ANKS1A: variants seen among roughly 807,000 people sequenced by gnomAD.
The protein encoded by ANKS1A is ankyrin repeat and sterile alpha motif domain containing 1A.
A neutral mutation model predicts 120.3 loss-of-function variants in ANKS1A; 55 were observed. That is an observed-to-expected ratio of 0.46 (90% CI 0.37 to 0.57). The LOEUF (loss-of-function observed/expected upper bound fraction) is 0.57. ANKS1A is among the 20% of genes least tolerant of loss of function. The probability of loss-of-function intolerance (pLI) is 0.00; values close to 1 mark genes in which losing one functional copy is unlikely to be tolerated. For synonymous variants in ANKS1A, 590 were observed against 604.7 expected, an observed-to-expected ratio of 0.98 and a Z score of 0.36; for missense variants, 1,123 against 1,480.3, an observed-to-expected ratio of 0.76 and a Z score of 3.96.
intron 1 of ANKS1A, among the ~76,000 whole-genome samples, chr6:34,966,515 C>T (rs1458776432): frequency 6.6e-6 from 1 of 152,196 alleles, no homozygotes; most frequent in African/African-American, 2.4e-5. Flanking sequence ...TTTAGAAGCT[C>T]TAGCCAATGC....
intron 10 of ANKS1A, among the ~76,000 whole-genome samples, chr6:34,996,337 C>T (rs1248236732): frequency 6.6e-6 from 1 of 152,064 alleles, no homozygotes; most frequent in Non-Finnish European, 1.5e-5. Flanking sequence ...CATACAAATT[C>T]TTCATTAGAT....
In ANKS1A at chr6:35,081,082, G is replaced by A; in HGVS notation, c.2633G>A (p.Gly878Glu). ...TCGGCAGATCTGCTGCTGCCTCCAG[G>A]GGACACAGGCAGGAGGCGCCATGAC... ...GRSADLLLPP[G>E]DTGRRRHDSL... Residue 878 changes from glycine to glutamate, a missense_variant, in exon 17 of 24, where the codon GGG becomes GAG. Physicochemically the swap from Gly to Glu is moderately conservative, Grantham distance 98. Around this residue, in one of 3 missense-constraint regions of ANKS1A, gnomAD observed 904 missense variants for 1,130.4 expected, o/e 0.80. Transcript: ENST00000360359. 6.2e-7 allele frequency: 1 copy of A among 1,613,944 alleles called. No homozygotes were observed. Among genetic ancestry groups the A allele is most frequent in the Non-Finnish European group, 8.5e-7 (1 of 1,179,984 alleles).
chr6:34,982,119 A>G lies in ANKS1A; in HGVS notation c.732+133A>G. ...TCATGTTTCAAATGCTTATTTGCCG[A>G]CTCATTCTAATGTGACACTAAGAAA... On this transcript the variant is annotated intron_variant, in intron 4 of 23. Coordinates refer to ENST00000360359, the MANE Select transcript of ANKS1A (RefSeq NM_015245.3). This position sits in a 1 kb window ranked among gnomAD's most constrained non-coding sequence, Gnocchi z 4.9. 8.8e-7 allele frequency: 1 copy of G among 1,141,024 alleles called. No homozygotes were observed. Among genetic ancestry groups the G allele is most frequent in the Non-Finnish European group, 1.2e-6 (1 of 822,270 alleles). 70.7% of individuals were successfully genotyped at this position (1,141,024 alleles called of 1,614,324 possible).
chr6:34,902,333 C>G (rs1767393446), intron 1 of ANKS1A, among the ~76,000 whole-genome samples: 2 of 152,022 alleles, frequency 1.3e-5, no homozygotes, highest in Admixed American at 1.3e-4. Flanking sequence ...CCTGCAACCT[C>G]CACCTGCCGG....
rs1189432964 is a variant in ANKS1A at position 35,018,076 on chromosome 6, G to A, written c.2010+17G>A. 2 of 1,607,336 alleles carry A rather than the reference G, an allele frequency of 1.2e-6. No individual in the cohort carries two copies. The highest frequency in any genetic ancestry group is 1.7e-5 in the Admixed American group (1 of 59,780). On this transcript the variant is annotated intron_variant, in intron 11 of 23. Transcript: ENST00000360359. ...TGGGATGAGGTAAGGCCGACATGACGTCACAGGGAGCTGGGCTGGCCAGGC... is the reference window on the plus strand; with the variant it reads ...TGGGATGAGGTAAGGCCGACATGACATCACAGGGAGCTGGGCTGGCCAGGC...
chr6:34,954,062 G>A (rs1194091637), intron 1 of ANKS1A, among the ~76,000 whole-genome samples: 3 of 152,204 alleles, frequency 2.0e-5, no homozygotes, highest in Non-Finnish European at 4.4e-5. Context: ...TAATGTATAT[G>A]TTAATCCTCA....
rs563953730 is a variant in ANKS1A at position 35,091,281 on chromosome 6, T to C, written c.*2672T>C. On this transcript the variant is annotated 3_prime_UTR_variant, in exon 24 of 24. Coordinates refer to ENST00000360359, the MANE Select transcript of ANKS1A (RefSeq NM_015245.3). ...AACATAACCAATCTGTGCAACAACA[T>C]AGACTGACCTCAGTACCCAAGAGAG... The C allele has an allele frequency of 3.6e-5, 35 of 985,896 alleles. No individual in the cohort carries two copies. The Admixed American group carries it at 8.0e-4, about 22-fold the overall frequency. 61.1% of individuals were successfully genotyped at this position (985,896 alleles called of 1,614,324 possible).
intron 3 of ANKS1A, among the ~76,000 whole-genome samples, chr6:34,974,435 T>C (rs955606806): frequency 7.3e-6 from 1 of 137,400 alleles, no homozygotes; most frequent in Middle Eastern, 3.6e-3. Context: ...CTTTCCTTTC[T>C]TTCTTTCATT....
intron 19 of ANKS1A, 35 bp downstream of exon 19, chr6:35,083,261 G>A (rs368791082): frequency 2.5e-6 from 4 of 1,613,304 alleles, no homozygotes; most frequent in East Asian, 2.2e-5. Context: ...GGCGCTGTGG[G>A]ACTGGCCAGC....
chr6:34,983,256 G>T (rs184886150), intron 6 of ANKS1A, 42 bp downstream of exon 6: 10 of 1,611,810 alleles, frequency 6.2e-6, no homozygotes, highest in Admixed American at 1.7e-5. Context: ...GGGGACACAC[G>T]AATTGAACCA....
intron 11 of ANKS1A, among the ~76,000 whole-genome samples, chr6:35,047,100 T>A (rs1257161520): frequency 1.3e-5 from 2 of 152,230 alleles, no homozygotes; most frequent in Non-Finnish European, 2.9e-5. Flanking sequence ...TTCTTCCTGT[T>A]TCGCAAGTTC....
intron 11 of ANKS1A, among the ~76,000 whole-genome samples, chr6:35,028,614 A>G (rs1444317204): frequency 3.3e-5 from 5 of 152,218 alleles, no homozygotes. Flanking sequence ...ATCCTTCCAG[A>G]AATATTCTCT....
At chr6:35,043,843 GT>G (rs1388236193) in intron 11 of ANKS1A, among the ~76,000 whole-genome samples, 2 of 152,092 alleles carry the variant, frequency 1.3e-5, no homozygotes, top group Non-Finnish European at 2.9e-5. Flanking sequence ...AAAATTTCCA[GT>G]TTGTTTCTTA....
In ANKS1A at chr6:35,058,422, C is replaced by A. The variant is rs1483742160; in HGVS notation, c.2078-1725C>A. The A allele has an allele frequency of 6.6e-6, 1 of 152,238 alleles. No homozygotes were observed. The highest frequency in any genetic ancestry group is 1.5e-5 in the Non-Finnish European group (1 of 68,044). The allele number at this position is 152,238 out of a possible 1,614,324, so 9.4% of individuals were successfully genotyped here. On this transcript the variant is annotated intron_variant, in intron 12 of 23. Transcript: ENST00000360359. This position sits in a 1 kb window ranked among gnomAD's most constrained non-coding sequence, Gnocchi z 5.1. ...CGTAGGCTCCTGGAGCAGACTTCCC[C>A]ATTCAAGGGCAGGGGAGCTCAAGTA...
chr6:34,918,856 T>C (rs1273582621), intron 1 of ANKS1A, among the ~76,000 whole-genome samples: 1 of 152,222 alleles, frequency 6.6e-6, no homozygotes, highest in Non-Finnish European at 1.5e-5. Flanking sequence ...ATTTTTTTTA[T>C]TTAATTTTTT....
intron 13 of ANKS1A, among the ~76,000 whole-genome samples, chr6:35,066,261 C>T (rs569969254): frequency 6.6e-6 from 1 of 152,282 alleles, no homozygotes; most frequent in South Asian, 2.1e-4. Flanking sequence ...AGGCAGTGGG[C>T]AGCAGTCTTT....
chr6:34,991,014 T>A (rs1410894813), intron 9 of ANKS1A, among the ~76,000 whole-genome samples: 2 of 152,206 alleles, frequency 1.3e-5, no homozygotes, highest in Non-Finnish European at 2.9e-5. Flanking sequence ...TTTTGGACTT[T>A]GTTGTCTTTC....
At position 35,067,102 on chromosome 6, in the gene ANKS1A, G is replaced by T. The variant is rs528339606; in HGVS notation, c.2184+6849G>T. On this transcript the variant is annotated intron_variant, in intron 13 of 23. Transcript: ENST00000360359. ...TGGTACTGGGAAAGCCCTCGCCCCAGGTGGGTGACTGCACGCAGGCCTCAG... is the reference window on the plus strand; with the variant it reads ...TGGTACTGGGAAAGCCCTCGCCCCATGTGGGTGACTGCACGCAGGCCTCAG... Among the ~76,000 whole-genome samples the T allele has an allele frequency of 2.4e-3, 369 of 152,266 alleles. 2 individuals carry two copies. Among genetic ancestry groups the T allele is most frequent in the African/African-American group, 8.4e-3 (348 of 41,538 alleles).
At chr6:34,923,719 TGAGAA>T (rs977273139) in intron 1 of ANKS1A, among the ~76,000 whole-genome samples, 29 of 152,166 alleles carry the variant, frequency 1.9e-4, no homozygotes, top group Non-Finnish European at 4.1e-4. Context: ...AGATAGAGCC[TGAGAA>T]GAGAGGTGCT....
Sources: gnomAD v4.1 joint callset for allele counts (sites outside exome capture counted in the v4.1 genomes callset) on GRCh38, gnomAD v4.1.1 for gene constraint, gnomAD v4.1.1 regional missense constraint, Gnocchi (gnomAD v3.1) non-coding constraint, MANE v1.5 for transcripts, NCBI Gene and HGNC (gene_info 2026-07-23, HGNC 2026-07-21) for gene names.